The following BICRA variants were observed in gnomAD, a reference collection of about 807,000 sequenced individuals.
BICRA encodes BRD4-interacting chromatin-remodeling complex-associated protein.
Under a neutral mutation model 96.9 loss-of-function variants are expected in BICRA, and 31 were observed. That is an observed-to-expected ratio of 0.32 (90% CI 0.24 to 0.43). The LOEUF (loss-of-function observed/expected upper bound fraction) is 0.43, where lower values mean the gene tolerates loss of function less well. BICRA is among the 20% of genes least tolerant of loss of function. BICRA has a pLI of 1.00. For missense variants in BICRA, 2,283 were observed against 2,190.3 expected (o/e 1.04, Z -0.84); for synonymous variants, 1,350 against 1,071.8 (o/e 1.26, Z -5.07).
chr19:47,697,755 A>G (rs1973370159), intron 11 of BICRA, among the ~76,000 whole-genome samples: 1 of 152,004 alleles, frequency 6.6e-6, no homozygotes, highest in Non-Finnish European at 1.5e-5. Context: ...TGGGAGTACA[A>G]GTGTGAGCCA....
Position 47,680,621 on chromosome 19 carries a change from A to G in BICRA, c.1451A>G (p.Gln484Arg). 6.2e-7 allele frequency: 1 copy of G among 1,610,264 alleles called. No homozygotes were observed. Among genetic ancestry groups the G allele is most frequent in the Non-Finnish European group, 8.5e-7 (1 of 1,178,734 alleles). ...LPGAPAVQLP[Q>R]QLSALPANVG... The stretch of plus-strand genomic sequence containing the variant: ...GGCGCCCCGGCGGTCCAGCTCCCGC[A>G]GCAGCTCTCAGCCCTGCCGGCCAAC... Residue 484 changes from glutamine to arginine, a missense_variant, in exon 6 of 15, where the codon CAG becomes CGG. Gln to Arg is a conservative substitution (Grantham distance 43). Coordinates refer to ENST00000594866, the MANE Select transcript of BICRA (RefSeq NM_001394372.1).
chr19:47,669,323 T>A (rs1180639578), intron 1 of BICRA, among the ~76,000 whole-genome samples: 1 of 152,038 alleles, frequency 6.6e-6, no homozygotes, highest in Non-Finnish European at 1.5e-5. Flanking sequence ...CAGAAACGCA[T>A]ATAAGTCAAG....
intron 1 of BICRA, among the ~76,000 whole-genome samples, chr19:47,638,460 TCTC>T (rs1972333131): frequency 6.6e-6 from 1 of 151,852 alleles, no homozygotes; most frequent in Admixed American, 6.6e-5. Flanking sequence ...TAGTGACAAG[TCTC>T]CTCCCTCCCC....
intron 14 of BICRA, chr19:47,700,947 T>G: frequency 4.0e-6 from 1 of 251,490 alleles, no homozygotes; most frequent in Non-Finnish European, 7.6e-6. Context: ...TGTTTTTTTG[T>G]TTGTTTGTTT....
chr19:47,652,627 C>T (rs1007147161), intron 1 of BICRA, among the ~76,000 whole-genome samples: 3 of 152,192 alleles, frequency 2.0e-5, no homozygotes, highest in Non-Finnish European at 2.9e-5. Flanking sequence ...TGTGTGCATT[C>T]GGCTGCAAGT....
At chr19:47,697,438 A>G (rs1232561994) in intron 11 of BICRA, among the ~76,000 whole-genome samples, 2 of 151,888 alleles carry the variant, frequency 1.3e-5, no homozygotes, top group African/African-American at 4.8e-5. Flanking sequence ...TTGTGGAGAC[A>G]AGGTCTTACT....
chr19:47,628,198 G>T (rs922741455), intron 1 of BICRA, among the ~76,000 whole-genome samples: 1 of 152,098 alleles, frequency 6.6e-6, no homozygotes, highest in African/African-American at 2.4e-5. Context: ...ACCCCTCTTC[G>T]GTCTGTATGG....
intron 8 of BICRA, 57 bp downstream of exon 8, chr19:47,694,783 G>T: frequency 9.5e-7 from 1 of 1,048,728 alleles, no homozygotes; most frequent in African/African-American, 1.6e-5. Context: ...CACCCTCTCA[G>T]TCTGATGGGA....
chr19:47,701,986 C>T lies in BICRA; in HGVS notation c.4254C>T (p.Pro1418=), dbSNP rs1170243630. 2 of 1,478,246 alleles carry T rather than the reference C, an allele frequency of 1.4e-6. No homozygotes were observed. The highest frequency in any genetic ancestry group is 2.6e-5 in the South Asian group (2 of 77,952). 91.6% of individuals were successfully genotyped at this position (1,478,246 alleles called of 1,614,324 possible). A position where few individuals can be genotyped will look rare whatever the true frequency, so the allele number is the denominator to read the frequency against. ...GGGGAGGCAGCCCGGCGCCGCTGCC[C>T]GCCAAAGTGGACGAGGCCACCAGCG... The part of the protein sequence containing the change: ...RARGGSPAPL[P]AKVDEATSGL... The change falls in exon 15 of 15, where the codon CCC becomes CCT. Residue 1418 remains proline (P), a synonymous_variant. Coordinates refer to ENST00000594866, the MANE Select transcript of BICRA (RefSeq NM_001394372.1). The surrounding 1 kb of genome is among the most constrained non-coding windows in gnomAD (Gnocchi z 5.4).
rs955628925 is a variant in BICRA at position 47,675,791 on chromosome 19, T to A, written c.85-60T>A. On this transcript the variant is annotated intron_variant, in intron 4 of 14. Transcript: ENST00000594866. This position sits in a 1 kb window ranked among gnomAD's most constrained non-coding sequence, Gnocchi z 4.7. The stretch of plus-strand genomic sequence containing the variant: ...TGAGTGACCCTAAATTGGTTTCTGC[T>A]CCAGAGCATGGGCCTGCCCTGCTGA... 1.3e-5 allele frequency: 18 copies of A among 1,365,978 alleles called. No homozygotes were observed. The highest frequency in any genetic ancestry group is 1.9e-5 in the Non-Finnish European group (18 of 969,434). 84.6% of individuals were successfully genotyped at this position (1,365,978 alleles called of 1,614,324 possible).
intron 2 of BICRA, among the ~76,000 whole-genome samples, 165 bp from the exon 3 acceptor site, chr19:47,673,405 G>A (rs1972894902): frequency 6.6e-6 from 1 of 152,038 alleles, no homozygotes; most frequent in South Asian, 2.1e-4. Flanking sequence ...TTTCTGGCTG[G>A]GAGGGCACCT....
Position 47,698,587 on chromosome 19 carries a change from C to G in BICRA, c.3249-47C>G. 15 of 563,576 alleles carry G rather than the reference C, an allele frequency of 2.7e-5. No individual in the cohort carries two copies. The highest frequency in any genetic ancestry group is 7.9e-5 in the East Asian group (2 of 25,368). The allele number at this position is 563,576 out of a possible 1,614,324, so 34.9% of individuals were successfully genotyped here. ...GGGACTTCCCCTGGCCCTCACCCGT[C>G]CCCCCCACCCTCCGCCGTGTGTGGT... On this transcript the variant is annotated intron_variant, in intron 11 of 14. Coordinates refer to ENST00000594866, the MANE Select transcript of BICRA (RefSeq NM_001394372.1). This position sits in a 1 kb window ranked among gnomAD's most constrained non-coding sequence, Gnocchi z 4.8.
chr19:47,632,393 T>C (rs909159452), intron 1 of BICRA, among the ~76,000 whole-genome samples: 1 of 152,224 alleles, frequency 6.6e-6, no homozygotes, highest in Non-Finnish European at 1.5e-5. Flanking sequence ...TTCCTAATTC[T>C]CAGTCCTCGA....
chr19:47,698,616 T>C lies in BICRA; in HGVS notation c.3249-18T>C. 2 of 940,764 alleles carry C rather than the reference T, an allele frequency of 2.1e-6. No homozygotes were observed. The highest frequency in any genetic ancestry group is 3.3e-6 in the Non-Finnish European group (2 of 614,956). 58.3% of individuals were successfully genotyped at this position (940,764 alleles called of 1,614,324 possible). On this transcript the variant is annotated intron_variant, in intron 11 of 14. Coordinates refer to ENST00000594866, the MANE Select transcript of BICRA (RefSeq NM_001394372.1). This position sits in a 1 kb window ranked among gnomAD's most constrained non-coding sequence, Gnocchi z 4.8. ...CCCACCCTCCGCCGTGTGTGGTCTC[T>C]CCCCTTTCCACCCGCAGTTTCCTGG...
At position 47,682,068 on chromosome 19, in the gene BICRA, A is replaced by G. The variant is rs1375134601; in HGVS notation, c.2199A>G (p.Pro733=). The change falls in exon 7 of 15, where the codon CCA becomes CCG. Residue 733 remains proline (P), a synonymous_variant. Coordinates refer to ENST00000594866, the MANE Select transcript of BICRA (RefSeq NM_001394372.1). ...GCGCCCCGCCTCCCGCCCAAGACCCAGCCCCAGCCACCCCCGTCGCCAAAG... is the reference window on the plus strand; with the variant it reads ...GCGCCCCGCCTCCCGCCCAAGACCCGGCCCCAGCCACCCCCGTCGCCAAAG... ...IVSAPPPAQD[P]APATPVAKGA... 8.2e-7 allele frequency: 1 copy of G among 1,215,714 alleles called. No homozygotes were observed. The highest frequency in any genetic ancestry group is 2.4e-5 in the Admixed American group (1 of 42,436). The allele number at this position is 1,215,714 out of a possible 1,614,324, so 75.3% of individuals were successfully genotyped here.
intron 1 of BICRA, among the ~76,000 whole-genome samples, chr19:47,650,882 C>T (rs552030103): frequency 8.5e-5 from 13 of 152,244 alleles, no homozygotes; most frequent in Admixed American, 2.6e-4. Context: ...CCGCCCAGCC[C>T]GCACAGCCTG....
intron 7 of BICRA, among the ~76,000 whole-genome samples, chr19:47,685,335 A>C (rs1192279299): frequency 6.6e-6 from 1 of 152,160 alleles, no homozygotes; most frequent in Non-Finnish European, 1.5e-5. Flanking sequence ...GCAGGTGTGC[A>C]CACGAGCTGA....
intron 1 of BICRA, among the ~76,000 whole-genome samples, chr19:47,659,567 C>A (rs1436201310): frequency 5.3e-5 from 8 of 151,900 alleles, no homozygotes; most frequent in Non-Finnish European, 1.0e-4. Context: ...TGGATGCCAC[C>A]CTTCTCTGGG....
chr19:47,680,272 C>G lies in BICRA; in HGVS notation c.1102C>G (p.Pro368Ala), dbSNP rs1056558550. The stretch of plus-strand genomic sequence containing the variant: ...GCCGCCCAAGCTCTACCAGCTGACG[C>G]CCAAGCCGTTTGCGCCCGCGGGCGC... Reference protein sequence around the residue: ...VLPPKLYQLTPKPFAPAGATL... With the variant: ...VLPPKLYQLTAKPFAPAGATL... Residue 368 changes from proline to alanine, a missense_variant, in exon 6 of 15, where the codon CCC becomes GCC. Transcript: ENST00000594866. The G allele has an allele frequency of 6.4e-7, 1 of 1,560,832 alleles. No homozygotes were observed. The highest frequency in any genetic ancestry group is 8.6e-7 in the Non-Finnish European group (1 of 1,162,426).
Sources: gnomAD v4.1 joint callset for allele counts (sites outside exome capture counted in the v4.1 genomes callset) on GRCh38, gnomAD v4.1.1 for gene constraint, Gnocchi (gnomAD v3.1) non-coding constraint, MANE v1.5 for transcripts, NCBI Gene and HGNC (gene_info 2026-07-23, HGNC 2026-07-21) for gene names.